NCK2: variants seen among roughly 807,000 people sequenced by gnomAD.
The protein encoded by NCK2 is cytoplasmic protein NCK2.
A neutral mutation model predicts 33.9 loss-of-function variants in NCK2; 16 were observed. The observed-to-expected ratio is 0.47, with a 90% CI of 0.32 to 0.72. The LOEUF (loss-of-function observed/expected upper bound fraction) is 0.72. Among genes scored for constraint, NCK2 ranks in the 30% least tolerant of loss-of-function variants. The pLI is 0.03. For missense variants in NCK2, 418 were observed against 537.3 expected, an observed-to-expected ratio of 0.78 and a Z score of 2.19; for synonymous variants, 273 against 239.9, an observed-to-expected ratio of 1.14 and a Z score of -1.27.
In NCK2 at chr2:105,796,393, A is replaced by G. The variant is rs1387460341; in HGVS notation, c.-200-20037A>G. ...CACTTTAGGATCTTAAGAAATATTC[A>G]ATTTCCACTAAAAAGAGGAGTGAAC... On this transcript the variant is annotated intron_variant, in intron 1 of 4. Coordinates refer to ENST00000233154, the MANE Select transcript of NCK2 (RefSeq NM_003581.5). Among the ~76,000 whole-genome samples, 12 of 152,190 alleles carry G rather than the reference A, an allele frequency of 7.9e-5. No individual in the cohort carries two copies. In the East Asian group the frequency reaches 2.1e-3, roughly 27 times the overall value.
chr2:105,831,410 C>CTTTTTTTTTTTTTT (rs56247904), intron 2 of NCK2, among the ~76,000 whole-genome samples: 2 of 144,846 alleles, frequency 1.4e-5, no homozygotes, highest in Non-Finnish European at 1.5e-5. Flanking sequence ...AGCATGATAT[C>CTTTTTTTTTTTTTT]TTTTTTTTTT....
intron 2 of NCK2, among the ~76,000 whole-genome samples, chr2:105,818,266 T>C (rs1315206965): frequency 4.0e-4 from 27 of 67,504 alleles, no homozygotes; most frequent in Admixed American, 2.5e-3. Flanking sequence ...CACCACACAC[T>C]GGGGCCTGTT....
At chr2:105,883,284 A>G (rs1678582822) in intron 4 of NCK2, among the ~76,000 whole-genome samples, 2 of 152,226 alleles carry the variant, frequency 1.3e-5, no homozygotes, top group African/African-American at 4.8e-5. Flanking sequence ...CACTTCTTTT[A>G]GATCGTGTTT....
intron 1 of NCK2, among the ~76,000 whole-genome samples, chr2:105,806,172 G>T (rs1675026491): frequency 6.6e-6 from 1 of 151,566 alleles, no homozygotes; most frequent in African/African-American, 2.4e-5. Context: ...GGGATGCTCA[G>T]CCTTGTATAT....
intron 1 of NCK2, among the ~76,000 whole-genome samples, chr2:105,805,090 T>C (rs1158212210): frequency 6.6e-6 from 1 of 152,254 alleles, no homozygotes; most frequent in Non-Finnish European, 1.5e-5. Flanking sequence ...CCAGAGGCTC[T>C]TCCTATCTGG....
chr2:105,776,108 G>A (rs1427656349), intron 1 of NCK2, among the ~76,000 whole-genome samples: 1 of 152,168 alleles, frequency 6.6e-6, no homozygotes, highest in East Asian at 1.9e-4. Flanking sequence ...CTGGGGGTGT[G>A]GGTGCGGAGC....
chr2:105,806,738 T>C (rs1182347524), intron 1 of NCK2, among the ~76,000 whole-genome samples: 1 of 152,186 alleles, frequency 6.6e-6, no homozygotes, highest in Non-Finnish European at 1.5e-5. Flanking sequence ...TCAGTGCTTA[T>C]CAGAGGAAGA....
intron 1 of NCK2, among the ~76,000 whole-genome samples, chr2:105,781,726 A>G (rs1690502346): frequency 6.6e-6 from 1 of 152,228 alleles, no homozygotes; most frequent in Non-Finnish European, 1.5e-5. Context: ...GCAAGTGATA[A>G]TCCTGCAATT....
chr2:105,811,701 C>T (rs975718086), intron 1 of NCK2, among the ~76,000 whole-genome samples: 3 of 152,166 alleles, frequency 2.0e-5, no homozygotes. Context: ...TTGCATGATG[C>T]TTGCAGGCGG....
At chr2:105,841,264 T>C (rs1351450949) in intron 2 of NCK2, among the ~76,000 whole-genome samples, 1 of 151,710 alleles carries the variant, frequency 6.6e-6, no homozygotes, top group Non-Finnish European at 1.5e-5. Flanking sequence ...AATACTAAAC[T>C]TGAAAACCTC....
At chr2:105,776,623 G>A (rs1690311769) in intron 1 of NCK2, among the ~76,000 whole-genome samples, 1 of 152,134 alleles carries the variant, frequency 6.6e-6, no homozygotes, top group Non-Finnish European at 1.5e-5. Flanking sequence ...TTTCTTTTAG[G>A]GTTAGCTGGT....
At position 105,760,626 on chromosome 2, in the gene NCK2, G is replaced by T. The variant is rs2134082; in HGVS notation, c.-201+15488G>T. ...TGAGGCTCCCTTTGTATCAACCAAG[G>T]GTCTTTGCTTTCTGGATAACTTCAT... On this transcript the variant is annotated intron_variant, in intron 1 of 4. Transcript: ENST00000233154. 2.6e-5 allele frequency among the ~76,000 whole-genome samples: 4 copies of T among 151,728 alleles called. No individual in the cohort carries two copies. In the East Asian group the frequency reaches 5.8e-4, roughly 22 times the overall value.
chr2:105,801,502 G>A (rs1674839203), intron 1 of NCK2, among the ~76,000 whole-genome samples: 1 of 151,852 alleles, frequency 6.6e-6, no homozygotes, highest in South Asian at 2.1e-4. Context: ...GAGGGACAAA[G>A]CATGACAGAG....
chr2:105,865,548 G>C (rs1677711244), intron 3 of NCK2, among the ~76,000 whole-genome samples: 1 of 152,160 alleles, frequency 6.6e-6, no homozygotes, highest in Admixed American at 6.5e-5. Context: ...CCTTGCGCTA[G>C]CCCCCAAAAT....
intron 2 of NCK2, among the ~76,000 whole-genome samples, chr2:105,840,655 C>T (rs913137434): frequency 4.6e-5 from 7 of 152,260 alleles, no homozygotes; most frequent in Non-Finnish European, 7.3e-5. Context: ...ACCAGTAATT[C>T]TGGCTATAAA....
intron 4 of NCK2, among the ~76,000 whole-genome samples, chr2:105,891,172 A>G (rs3769487): frequency 0.016 from 2,461 of 152,110 alleles, 41 homozygotes; most frequent in Non-Finnish European, 0.02. Flanking sequence ...CACACTCTCA[A>G]TACTCACATA....
At chr2:105,766,708 G>T (rs1217602387) in intron 1 of NCK2, among the ~76,000 whole-genome samples, 1 of 152,150 alleles carries the variant, frequency 6.6e-6, no homozygotes, top group East Asian at 1.9e-4. Flanking sequence ...GGCGGGGGCG[G>T]GGTCTGCAGG....
chr2:105,827,156 C>T (rs181888877), intron 2 of NCK2, among the ~76,000 whole-genome samples: 57 of 152,010 alleles, frequency 3.7e-4, no homozygotes, highest in East Asian at 1.9e-4. Context: ...CCTACCACCA[C>T]GCCCGGCTAA....
At chr2:105,839,208 G>A (rs1379513186) in intron 2 of NCK2, among the ~76,000 whole-genome samples, 1 of 152,214 alleles carries the variant, frequency 6.6e-6, no homozygotes, top group South Asian at 2.1e-4. Context: ...CCAGGGTCAA[G>A]GTCTTTTAGG....
Sources: gnomAD v4.1 joint callset for allele counts (sites outside exome capture counted in the v4.1 genomes callset) on GRCh38, gnomAD v4.1.1 for gene constraint, MANE v1.5 for transcripts, NCBI Gene and HGNC (gene_info 2026-07-23, HGNC 2026-07-21) for gene names.